DAB1: variants seen among roughly 807,000 people sequenced by gnomAD.
The protein encoded by DAB1 is DAB adaptor protein 1.
In DAB1, 15 loss-of-function variants were observed where a neutral mutation model predicts 64.6. The observed-to-expected ratio is 0.23, with a 90% CI of 0.16 to 0.36. The LOEUF (loss-of-function observed/expected upper bound fraction) is 0.36, where lower values mean the gene tolerates loss of function less well. Ranked by LOEUF, DAB1 falls within the 10% of genes least tolerant of loss-of-function variation. The probability of loss-of-function intolerance (pLI) is 1.00; values close to 1 mark genes in which losing one functional copy is unlikely to be tolerated. For missense variants in DAB1, 596 were observed against 706.7 expected, an observed-to-expected ratio of 0.84 and a Z score of 1.78; for synonymous variants, 235 against 251.9, an observed-to-expected ratio of 0.93 and a Z score of 0.64.
At chr1:57,291,533 A>G (rs912139820) in intron 1 of DAB1, among the ~76,000 whole-genome samples, 4 of 152,148 alleles carry the variant, frequency 2.6e-5, no homozygotes, top group African/African-American at 7.2e-5. Context: ...GAGAGCACCC[A>G]TCCATCAGCC....
At chr1:57,533,939 A>G (rs1287516014) in intron 7 of DAB1, among the ~76,000 whole-genome samples, 3 of 152,176 alleles carry the variant, frequency 2.0e-5, no homozygotes, top group Admixed American at 2.0e-4. Flanking sequence ...TCTATTGTAA[A>G]TACTGAAGAC....
chr1:58,536,639 A>G (rs893287152), intron 1 of DAB1: 1 of 872,814 alleles, frequency 1.1e-6, no homozygotes, highest in Non-Finnish European at 2.0e-6. Flanking sequence ...GCAATCCAAA[A>G]CTACTCAAAC....
chr1:58,177,372 A>G (rs1353777361), intron 4 of DAB1, among the ~76,000 whole-genome samples: 1 of 152,228 alleles, frequency 6.6e-6, no homozygotes, highest in Non-Finnish European at 1.5e-5. Flanking sequence ...TGCTCCACAA[A>G]TATTTGTGAT....
intron 5 of DAB1, among the ~76,000 whole-genome samples, chr1:57,940,702 C>T (rs946725548): frequency 6.6e-6 from 1 of 152,196 alleles, no homozygotes; most frequent in Non-Finnish European, 1.5e-5. Flanking sequence ...GACCTATCAC[C>T]AGCAATGCTT....
At chr1:58,226,059 A>G (rs1486724520) in intron 4 of DAB1, among the ~76,000 whole-genome samples, 1 of 151,442 alleles carries the variant, frequency 6.6e-6, no homozygotes, top group Non-Finnish European at 1.5e-5. Context: ...GCTCATCTCC[A>G]GCTCTTAATT....
intron 7 of DAB1, among the ~76,000 whole-genome samples, chr1:57,569,653 A>C (rs894080312): frequency 1.3e-5 from 2 of 152,068 alleles, no homozygotes; most frequent in African/African-American, 4.8e-5. Flanking sequence ...TGTAAATGAC[A>C]AGTTAATGGG....
chr1:57,857,404 C>A (rs960310329), intron 1 of DAB1, among the ~76,000 whole-genome samples: 3 of 152,044 alleles, frequency 2.0e-5, no homozygotes, highest in African/African-American at 7.2e-5. Flanking sequence ...ATAGAGTAAG[C>A]AGAGATGATG....
At chr1:57,766,160 G>A (rs1649301278) in intron 6 of DAB1, among the ~76,000 whole-genome samples, 1 of 151,390 alleles carries the variant, frequency 6.6e-6, no homozygotes, top group Non-Finnish European at 1.5e-5. Flanking sequence ...CACAGCTAAT[G>A]CTACCACCAT....
At chr1:58,510,426 C>A (rs1051085992) in intron 2 of DAB1, among the ~76,000 whole-genome samples, 1 of 152,000 alleles carries the variant, frequency 6.6e-6, no homozygotes, top group African/African-American at 2.4e-5. Flanking sequence ...ATTAAACATC[C>A]TTTCATAATA....
intron 2 of DAB1, among the ~76,000 whole-genome samples, chr1:57,266,389 G>A (rs957694724): frequency 6.6e-6 from 1 of 152,050 alleles, no homozygotes; most frequent in Non-Finnish European, 1.5e-5. Flanking sequence ...AAAACACTAT[G>A]ATTCCTTGCA....
chr1:57,808,124 G>C (rs947634321), intron 6 of DAB1, among the ~76,000 whole-genome samples: 1 of 151,630 alleles, frequency 6.6e-6, no homozygotes, highest in Non-Finnish European at 1.5e-5. Flanking sequence ...AGGGTCAACT[G>C]TATTATATTC....
At position 57,555,391 on chromosome 1, in the gene DAB1, GTTTTT is replaced by G. The variant is rs11303581; in HGVS notation, n.625+94196_625+94200del. 8.6e-4 allele frequency among the ~76,000 whole-genome samples: 111 copies of G among 128,814 alleles called. No individual in the cohort carries two copies. The East Asian group carries it at 0.011, about 12-fold the overall frequency. 84.5% of individuals were successfully genotyped at this position (128,814 alleles called of 152,430 possible). A position where few individuals can be genotyped will look rare whatever the true frequency, so the allele number is the denominator to read the frequency against. ...TTTCTCTCTTTATGTCTGTCTCTGG[GTTTTT>G]TTTTTTTTTTTTCTTTCAAGAGCAA... On this transcript the variant is annotated intron_variant and non_coding_transcript_variant, in intron 7 of 20. Coordinates refer to the DAB1 transcript ENST00000485760.
intron 3 of DAB1, among the ~76,000 whole-genome samples, chr1:58,400,676 A>C (rs1232372715): frequency 6.6e-6 from 1 of 152,210 alleles, no homozygotes; most frequent in East Asian, 1.9e-4. Context: ...ACCGTTACAC[A>C]AAAAAATGAT....
intron 8 of DAB1, among the ~76,000 whole-genome samples, chr1:57,068,716 G>A (rs370371585): frequency 9.2e-5 from 14 of 152,200 alleles, no homozygotes; most frequent in African/African-American, 1.9e-4. Flanking sequence ...GCAGAGCTTC[G>A]CCTTCACACC....
At chr1:58,338,568 T>C (rs1663176108) in intron 4 of DAB1, among the ~76,000 whole-genome samples, 1 of 152,220 alleles carries the variant, frequency 6.6e-6, no homozygotes. Context: ...ATCAAATATT[T>C]TCTAGGCCAC....
chr1:57,947,233 C>T (rs1467769453), intron 5 of DAB1, among the ~76,000 whole-genome samples: 1 of 152,106 alleles, frequency 6.6e-6, no homozygotes, highest in South Asian at 2.1e-4. Context: ...GACTCCAAAG[C>T]ATGTGATCTT....
At chr1:58,307,693 C>T (rs1292306868) in intron 4 of DAB1, among the ~76,000 whole-genome samples, 3 of 151,484 alleles carry the variant, frequency 2.0e-5, no homozygotes, top group African/African-American at 7.3e-5. Flanking sequence ...AAAGGTCTTC[C>T]AGATGGAGGG....
chr1:58,515,660 A>T (rs1646147748), intron 2 of DAB1, among the ~76,000 whole-genome samples: 1 of 152,236 alleles, frequency 6.6e-6, no homozygotes, highest in Non-Finnish European at 1.5e-5. Flanking sequence ...CTTTCTTAAA[A>T]GAATCATTAA....
chr1:57,158,226 A>G (rs538761309), intron 2 of DAB1, among the ~76,000 whole-genome samples: 12 of 152,162 alleles, frequency 7.9e-5, no homozygotes, highest in Non-Finnish European at 5.9e-5. Context: ...CCCAAGTAAT[A>G]TATTTTACAT....
Sources: gnomAD v4.1 joint callset for allele counts (sites outside exome capture counted in the v4.1 genomes callset) on GRCh38, gnomAD v4.1.1 for gene constraint, MANE v1.5 for transcripts, NCBI Gene and HGNC (gene_info 2026-07-23, HGNC 2026-07-21) for gene names.